Variants in ZMIZ1 observed in about 807,000 individuals in gnomAD.
ZMIZ1 encodes the protein zinc finger MIZ domain-containing protein 1.
A neutral mutation model predicts 113.9 loss-of-function variants in ZMIZ1; 17 were observed. The observed-to-expected ratio is 0.15, with a 90% CI of 0.10 to 0.22. The LOEUF (loss-of-function observed/expected upper bound fraction) is 0.22. Among genes scored for constraint, ZMIZ1 ranks in the 10% least tolerant of loss-of-function variants. The pLI is 1.00. For missense variants in ZMIZ1, 1,059 were observed against 1,477.8 expected (o/e 0.72, Z 4.65); for synonymous variants, 607 against 603.1 (o/e 1.01, Z -0.09).
At chr10:79,164,870 A>T (rs1296944674) in intron 4 of ZMIZ1, among the ~76,000 whole-genome samples, 1 of 152,136 alleles carries the variant, frequency 6.6e-6, no homozygotes, top group African/African-American at 2.4e-5. Flanking sequence ...GGGAGGCTGC[A>T]CTGATCGGGA....
At chr10:79,255,938 C>T (rs1850871170) in intron 7 of ZMIZ1, among the ~76,000 whole-genome samples, 1 of 152,180 alleles carries the variant, frequency 6.6e-6, no homozygotes, top group Non-Finnish European at 1.5e-5. Flanking sequence ...CAGAATTACC[C>T]CCAAATTGGT....
At chr10:79,235,330 A>G (rs1278147310) in intron 7 of ZMIZ1, among the ~76,000 whole-genome samples, 2 of 151,846 alleles carry the variant, frequency 1.3e-5, no homozygotes, top group African/African-American at 4.8e-5. Context: ...GTGATGAAGG[A>G]CTCCTGGCAA....
At chr10:79,303,308 G>A (rs1362194852) in intron 18 of ZMIZ1, among the ~76,000 whole-genome samples, 1 of 151,936 alleles carries the variant, frequency 6.6e-6, no homozygotes, top group Non-Finnish European at 1.5e-5. Flanking sequence ...TAAAAAATTA[G>A]CCAGGTGTGG....
chr10:79,293,465 C>T lies in ZMIZ1; in HGVS notation c.1042C>T (p.Pro348Ser). The change falls in exon 12 of 25, where the codon CCC becomes TCC. Residue 348 changes from proline (P) to serine (S), a missense_variant. Around this residue, in one of 6 missense-constraint regions of ZMIZ1, gnomAD observed 83 missense variants for 103.7 expected, o/e 0.80. Transcript: ENST00000334512. ...TGCCTCCATGGGGGGCAGCATGAAC[C>T]CCGCGAGCATGGCGGCTGGCATGAC... The part of the protein sequence containing the change: ...GPASMGGSMN[P>S]ASMAAGMTPS... The T allele has an allele frequency of 6.4e-7, 1 of 1,561,622 alleles. No homozygotes were observed. The highest frequency in any genetic ancestry group is 8.7e-7 in the Non-Finnish European group (1 of 1,152,216).
At chr10:79,295,434 T>G (rs891908607) in intron 12 of ZMIZ1, 1 of 152,244 alleles carries the variant, frequency 6.6e-6, no homozygotes, top group African/African-American at 2.4e-5. Context: ...AGACTGGCCT[T>G]CCTTCCCCTT....
At chr10:79,103,967 T>A (rs573773509) in intron 1 of ZMIZ1, among the ~76,000 whole-genome samples, 1 of 152,356 alleles carries the variant, frequency 6.6e-6, no homozygotes, top group South Asian at 2.1e-4. Flanking sequence ...ACTACCAACC[T>A]TGTTCCCAGC....
intron 7 of ZMIZ1, among the ~76,000 whole-genome samples, chr10:79,271,334 T>C (rs2131948347): frequency 6.6e-6 from 1 of 152,310 alleles, no homozygotes; most frequent in South Asian, 2.1e-4. Flanking sequence ...ATGCAGGGAT[T>C]TGTGTGCCTG....
In ZMIZ1 at chr10:79,208,452, G is replaced by A. The variant is rs769763468; in HGVS notation, c.174+3G>A. 6 of 1,612,296 alleles carry A rather than the reference G, an allele frequency of 3.7e-6. No homozygotes were observed. Among genetic ancestry groups the A allele is most frequent in the East Asian group, 2.2e-5 (1 of 44,868 alleles). ...AGAGCCTGATGGGCTGTTTGACGGT[G>A]AGTCTGCACCCTGTCCGCCTGCATT... On this transcript the variant is annotated splice_donor_region_variant and intron_variant, in intron 6 of 24. Coordinates refer to ENST00000334512, the MANE Select transcript of ZMIZ1 (RefSeq NM_020338.4).
chr10:79,089,049 G>A (rs1054889521), intron 1 of ZMIZ1, among the ~76,000 whole-genome samples: 6 of 152,322 alleles, frequency 3.9e-5, no homozygotes, highest in African/African-American at 1.2e-4. Flanking sequence ...TTTCTGGTCC[G>A]TGGCTGTTTG....
At chr10:79,166,265 T>C (rs1433148120) in intron 4 of ZMIZ1, among the ~76,000 whole-genome samples, 1 of 152,212 alleles carries the variant, frequency 6.6e-6, no homozygotes, top group Non-Finnish European at 1.5e-5. Flanking sequence ...ACCATGCCAC[T>C]GTGTCACTGC....
At chr10:79,285,369 C>T in intron 8 of ZMIZ1, 1 of 428,816 alleles carries the variant, frequency 2.3e-6, no homozygotes, top group South Asian at 1.6e-5. Context: ...GTGCGGGACT[C>T]TGGGCCTCAT....
At chr10:79,075,346 G>A (rs908555642) in intron 1 of ZMIZ1, among the ~76,000 whole-genome samples, 3 of 152,240 alleles carry the variant, frequency 2.0e-5, no homozygotes, top group African/African-American at 7.2e-5. Flanking sequence ...TAGCAGTGGA[G>A]CATCAAAGAC....
At chr10:79,130,502 C>G (rs1844713593) in intron 2 of ZMIZ1, among the ~76,000 whole-genome samples, 1 of 152,236 alleles carries the variant, frequency 6.6e-6, no homozygotes, top group Non-Finnish European at 1.5e-5. Context: ...CAGACTCCCC[C>G]TTGAGCTGCT....
chr10:79,311,248 G>T, intron 24 of ZMIZ1, 64 bp downstream of exon 24: 2 of 1,296,362 alleles, frequency 1.5e-6, no homozygotes, highest in East Asian at 4.7e-5. Flanking sequence ...CTGCCCGAGA[G>T]AAGGGGTGGG....
At chr10:79,312,283 C>T (rs779794680) in intron 24 of ZMIZ1, among the ~76,000 whole-genome samples, 5 of 152,244 alleles carry the variant, frequency 3.3e-5, no homozygotes, top group Admixed American at 6.5e-5. Flanking sequence ...TGTGCTTACA[C>T]GTGAAGCATG....
chr10:79,209,034 T>C (rs889151887), intron 6 of ZMIZ1, among the ~76,000 whole-genome samples: 7 of 152,060 alleles, frequency 4.6e-5, no homozygotes, highest in African/African-American at 1.4e-4. Context: ...GAGAAAATCA[T>C]GTCCACAGTG....
chr10:79,121,031 A>G (rs1844267457), intron 2 of ZMIZ1, among the ~76,000 whole-genome samples: 1 of 152,224 alleles, frequency 6.6e-6, no homozygotes, highest in Non-Finnish European at 1.5e-5. Flanking sequence ...CCCCTTGAGA[A>G]GCCTGAGAAG....
Position 79,296,918 on chromosome 10 carries a change from A to C in ZMIZ1, c.1413+265A>C. The C allele has an allele frequency of 2.8e-6, 1 of 358,510 alleles. No homozygotes were observed. The highest frequency in any genetic ancestry group is 5.0e-6 in the Non-Finnish European group (1 of 201,080). 22.2% of individuals were successfully genotyped at this position (358,510 alleles called of 1,614,324 possible). A position where few individuals can be genotyped will look rare whatever the true frequency, so the allele number is the denominator to read the frequency against. ...TATTCACGGCACTCACAAAATAATAAAGGAAATATATTTTATTAAAAAAAC... is the reference window on the plus strand; with the variant it reads ...TATTCACGGCACTCACAAAATAATACAGGAAATATATTTTATTAAAAAAAC... On this transcript the variant is annotated intron_variant, in intron 13 of 24. Transcript: ENST00000334512. The surrounding 1 kb of genome is among the most constrained non-coding windows in gnomAD (Gnocchi z 4.1).
intron 1 of ZMIZ1, among the ~76,000 whole-genome samples, chr10:79,083,292 C>T (rs1842718522): frequency 6.6e-6 from 1 of 152,172 alleles, no homozygotes; most frequent in South Asian, 2.1e-4. Context: ...GAAGTGAACT[C>T]CATGAACATT....
Sources: gnomAD v4.1 joint callset for allele counts (sites outside exome capture counted in the v4.1 genomes callset) on GRCh38, gnomAD v4.1.1 for gene constraint, gnomAD v4.1.1 regional missense constraint, Gnocchi (gnomAD v3.1) non-coding constraint, MANE v1.5 for transcripts, NCBI Gene and HGNC (gene_info 2026-07-23, HGNC 2026-07-21) for gene names.